MSANTD4: variants seen among roughly 807,000 people sequenced by gnomAD.
MSANTD4 encodes Myb/SANT DNA binding domain containing 4 with coiled-coils, also known as myb/SANT-like DNA-binding domain-containing protein 4.
MSANTD4 carries 13 observed loss-of-function variants against 34.3 expected under a neutral mutation model. The ratio of observed to expected loss-of-function variants is 0.38; its 90% CI spans 0.25 to 0.60. The LOEUF (loss-of-function observed/expected upper bound fraction) is 0.60, where lower values mean the gene tolerates loss of function less well. Ranked by LOEUF, MSANTD4 falls within the 20% of genes least tolerant of loss-of-function variation. The pLI is 0.63. For missense variants in MSANTD4, 358 were observed against 401.8 expected, an observed-to-expected ratio of 0.89 and a Z score of 0.93; for synonymous variants, 137 against 145.2, an observed-to-expected ratio of 0.94 and a Z score of 0.41.
chr11:106,010,509 A>G lies in MSANTD4; in HGVS notation c.409T>C (p.Ser137Pro). The change falls in exon 2 of 3, where the codon TCC (serine) becomes CCC (proline). Residue 137 changes from serine to proline, a missense_variant. By Grantham distance (74) the Ser-to-Pro change is moderately conservative. Transcript: ENST00000301919. ...TCTTCCACCTTGACCTCAGTTAAGG[A>G]TCCACCTGCATCCCTGAAATCTGCC... ...NVADFRDAGG[S>P]LTEVKVEEEE... 6.2e-7 allele frequency: 1 copy of G among 1,614,154 alleles called. No individual in the cohort carries two copies.
At chr11:106,012,189 C>T (rs1859717317) in intron 1 of MSANTD4, among the ~76,000 whole-genome samples, 1 of 150,386 alleles carries the variant, frequency 6.6e-6, no homozygotes, top group African/African-American at 2.4e-5. Context: ...AGGAAAATAT[C>T]ACCAAAAAAA....
At position 106,009,990 on chromosome 11, in the gene MSANTD4, T is replaced by C. The variant is rs1489399952; in HGVS notation, c.583A>G (p.Arg195Gly). The C allele has an allele frequency of 1.9e-6, 3 of 1,609,804 alleles. No homozygotes were observed. In the African/African-American group the frequency reaches 4.0e-5, roughly 21 times the overall value. Reference protein sequence around the residue: ...EFFTLNSTPSRSAYDEPHLLV... With the variant: ...EFFTLNSTPSGSAYDEPHLLV... ...AAATGAGGCTCATCATATGCAGATC[T>C]AGATGGTGTTGAGTTAAGGGTAAAA... Residue 195 changes from arginine (R) to glycine (G), a missense_variant, in exon 3 of 3, where the codon AGA (arginine) becomes GGA (glycine). Physicochemically the swap from Arg to Gly is moderately radical, Grantham distance 125. This residue lies in a region of MSANTD4 where 312 missense variants were observed against 317.6 expected (regional missense o/e 0.98). Transcript: ENST00000301919.
chr11:106,016,035 T>C (rs1859835717), intron 1 of MSANTD4, among the ~76,000 whole-genome samples: 2 of 152,118 alleles, frequency 1.3e-5, no homozygotes, highest in South Asian at 4.1e-4. Context: ...TTTTTAAAGC[T>C]TTTATATAGA....
At position 106,008,628 on chromosome 11, in the gene MSANTD4, C is replaced by A. The variant is rs1029779749; in HGVS notation, c.*907G>T. The A allele has an allele frequency of 1.3e-5, 2 of 152,192 alleles. No individual in the cohort carries two copies. Among genetic ancestry groups the A allele is most frequent in the Non-Finnish European group, 2.9e-5 (2 of 68,028 alleles). 9.4% of individuals were successfully genotyped at this position (152,192 alleles called of 1,614,324 possible). A position where few individuals can be genotyped will look rare whatever the true frequency, so the allele number is the denominator to read the frequency against. Reference sequence around the variant, plus strand: ...ATGGACTACAAGTACCATTTTTATACTGGTATCATTTTTACTAGCTTCAAC... The same window carrying A: ...ATGGACTACAAGTACCATTTTTATAATGGTATCATTTTTACTAGCTTCAAC... On this transcript the variant is annotated 3_prime_UTR_variant, in exon 3 of 3. Coordinates refer to ENST00000301919, the MANE Select transcript of MSANTD4 (RefSeq NM_032424.3).
At chr11:106,015,441 A>G (rs904822840) in intron 1 of MSANTD4, among the ~76,000 whole-genome samples, 1 of 152,252 alleles carries the variant, frequency 6.6e-6, no homozygotes, top group Non-Finnish European at 1.5e-5. Flanking sequence ...AAACATTTAA[A>G]TAACTTTGAC....
In MSANTD4 at chr11:106,021,624, C is replaced by G. The variant is rs1267907523; in HGVS notation, c.-813G>C. ...GTGTGGCTTTCCCCTCCCCTATATT[C>G]TTATAGGGGATTCACTTCCCTGCCA... On this transcript the variant is annotated 5_prime_UTR_variant, in exon 1 of 3. Coordinates refer to ENST00000301919, the MANE Select transcript of MSANTD4 (RefSeq NM_032424.3). 6.6e-5 allele frequency: 10 copies of G among 152,278 alleles called. No individual in the cohort carries two copies. Among genetic ancestry groups the G allele is most frequent in the African/African-American group, 2.4e-4 (10 of 41,546 alleles). The allele number at this position is 152,278 out of a possible 1,614,324, so 9.4% of individuals were successfully genotyped here.
At chr11:106,018,871 T>C (rs918996472) in intron 1 of MSANTD4, among the ~76,000 whole-genome samples, 1 of 152,226 alleles carries the variant, frequency 6.6e-6, no homozygotes, top group Non-Finnish European at 1.5e-5. Flanking sequence ...CTAAGTAGAA[T>C]GTCTTTAGAC....
rs999488868 is a variant in MSANTD4, at chr11:106,011,040, T to C, written c.-123A>G. The stretch of plus-strand genomic sequence containing the variant: ...AGTTCAAATCATTGTCTTCCATTCA[T>C]CTAGTGGCAAGGCAGTCTGGATAAT... On this transcript the variant is annotated 5_prime_UTR_variant, in exon 2 of 3. The change abolishes an upstream ATG in the 5' untranslated region. Transcript: ENST00000301919. 1.1e-5 allele frequency: 15 copies of C among 1,422,310 alleles called. No homozygotes were observed. Among genetic ancestry groups the C allele is most frequent in the South Asian group, 1.6e-5 (1 of 63,568 alleles). 88.1% of individuals were successfully genotyped at this position (1,422,310 alleles called of 1,614,324 possible).
chr11:106,016,374 T>C (rs1225867316), intron 1 of MSANTD4, among the ~76,000 whole-genome samples: 1 of 152,212 alleles, frequency 6.6e-6, no homozygotes, highest in African/African-American at 2.4e-5. Context: ...ATATGCTGCT[T>C]CTTAGTACCC....
Position 106,010,504 on chromosome 11 carries a change from T to G in MSANTD4, c.414A>C (p.Leu138Phe), listed in dbSNP as rs1392613194. 1.2e-6 allele frequency: 2 copies of G among 1,614,132 alleles called. No homozygotes were observed. The highest frequency in any genetic ancestry group is 4.5e-5 in the East Asian group (2 of 44,876). Residue 138 changes from leucine (L) to phenylalanine (F), a missense_variant, in exon 2 of 3, where the codon TTA (leucine) becomes TTC (phenylalanine). Around this residue, in one of 2 missense-constraint regions of MSANTD4, gnomAD observed 312 missense variants for 317.6 expected, o/e 0.98. Coordinates refer to ENST00000301919, the MANE Select transcript of MSANTD4 (RefSeq NM_032424.3). ...VADFRDAGGS[L>F]TEVKVEEEER... ...CTTCCTCTTCCACCTTGACCTCAGT[T>G]AAGGATCCACCTGCATCCCTGAAAT...
intron 1 of MSANTD4, among the ~76,000 whole-genome samples, chr11:106,016,595 G>A (rs1378788754): frequency 6.6e-6 from 1 of 152,212 alleles, no homozygotes; most frequent in Non-Finnish European, 1.5e-5. Flanking sequence ...GGTATAGAAA[G>A]AGAAACAGAA....
Position 106,010,929 on chromosome 11 carries a change from A to G in MSANTD4, c.-12T>C, listed in dbSNP as rs759803641. 7.6e-6 allele frequency: 12 copies of G among 1,576,268 alleles called. No homozygotes were observed. Among genetic ancestry groups the G allele is most frequent in the Middle Eastern group, 2.0e-4 (1 of 4,926 alleles). The stretch of plus-strand genomic sequence containing the variant: ...TTCAACTGCTTCATTTTCAATTTCA[A>G]TGCAGTTTTTATGGTAAGAGATGTG... On this transcript the variant is annotated 5_prime_UTR_variant, in exon 2 of 3. Transcript: ENST00000301919.
chr11:106,009,568 T>TAC lies in MSANTD4; in HGVS notation c.1004_1005insGT (p.Leu336TyrfsTer32). The TAC allele has an allele frequency of 6.2e-7, 1 of 1,604,112 alleles. No homozygotes were observed. The highest frequency in any genetic ancestry group is 8.5e-7 in the Non-Finnish European group (1 of 1,174,880). ...AGTGTCCTTCTTTCTGAATTCGAAG[T>TAC]CTGTCTTTCTCTACCTGTAAGCGTT... On this transcript the variant is annotated frameshift_variant, in exon 3 of 3. Transcript: ENST00000301919. LOFTEE classifies it high-confidence loss of function.
In MSANTD4 at chr11:106,009,581, A is replaced by C; in HGVS notation, c.992T>G (p.Val331Gly). The C allele has an allele frequency of 6.2e-7, 1 of 1,613,688 alleles. No homozygotes were observed. The highest frequency in any genetic ancestry group is 8.5e-7 in the Non-Finnish European group (1 of 1,179,812). ...CTGAATTCGAAGTCTGTCTTTCTCT[A>C]CCTGTAAGCGTTCCTTTTCAATCTG... ...KLQIEKERLQ[V>G]EKDRLRIQKE... Residue 331 changes from valine to glycine, a missense_variant, in exon 3 of 3, where the codon GTA becomes GGA. Val to Gly is a moderately radical substitution (Grantham distance 109). Coordinates refer to ENST00000301919, the MANE Select transcript of MSANTD4 (RefSeq NM_032424.3).
At chr11:106,011,925 A>G (rs974512407) in intron 1 of MSANTD4, among the ~76,000 whole-genome samples, 5 of 152,184 alleles carry the variant, frequency 3.3e-5, no homozygotes, top group African/African-American at 4.8e-5. Flanking sequence ...AACTACCTAC[A>G]TTTTACTACT....
chr11:106,014,663 T>G (rs1411789849), intron 1 of MSANTD4, among the ~76,000 whole-genome samples: 2 of 152,232 alleles, frequency 1.3e-5, no homozygotes, highest in African/African-American at 4.8e-5. Flanking sequence ...TAACAAAGCA[T>G]TTCTTATCAC....
In MSANTD4 at chr11:106,008,603, A is replaced by G. The variant is rs902782861; in HGVS notation, c.*932T>C. 1.2e-4 allele frequency: 18 copies of G among 152,202 alleles called. No homozygotes were observed. Among genetic ancestry groups the G allele is most frequent in the African/African-American group, 4.3e-4 (18 of 41,454 alleles). The allele number at this position is 152,202 out of a possible 1,614,324, so 9.4% of individuals were successfully genotyped here. On this transcript the variant is annotated 3_prime_UTR_variant, in exon 3 of 3. Coordinates refer to ENST00000301919, the MANE Select transcript of MSANTD4 (RefSeq NM_032424.3). ...ACAATCAGTCATTGGGTTCAAGCTC[A>G]TGGACTACAAGTACCATTTTTATAC...
Position 106,010,608 on chromosome 11 carries a change from C to T in MSANTD4, c.310G>A (p.Asp104Asn). ...SGFPLPSSDL[D>N]DSLTEEIDEK... is the part of the protein sequence containing the mutation. ...TCTATCTCTTCAGTGAGAGAGTCAT[C>T]CAAATCAGAGGAGGGAAGGGGAAAT... Residue 104 changes from aspartate (D) to asparagine (N), a missense_variant, in exon 2 of 3, where the codon GAT becomes AAT. Asp to Asn is a conservative substitution (Grantham distance 23). This residue lies in a region of MSANTD4 where 312 missense variants were observed against 317.6 expected (regional missense o/e 0.98). Coordinates refer to ENST00000301919, the MANE Select transcript of MSANTD4 (RefSeq NM_032424.3). The T allele has an allele frequency of 6.2e-7, 1 of 1,614,178 alleles. No individual in the cohort carries two copies. The highest frequency in any genetic ancestry group is 8.5e-7 in the Non-Finnish European group (1 of 1,180,022).
chr11:106,014,527 CT>C (rs1279502535), intron 1 of MSANTD4, among the ~76,000 whole-genome samples: 3 of 152,186 alleles, frequency 2.0e-5, no homozygotes, highest in African/African-American at 7.2e-5. Flanking sequence ...CAAATAGTAT[CT>C]TCTACTGAAG....
Sources: gnomAD v4.1 joint callset for allele counts (sites outside exome capture counted in the v4.1 genomes callset) on GRCh38, gnomAD v4.1.1 for gene constraint, gnomAD v4.1.1 regional missense constraint, MANE v1.5 for transcripts, NCBI Gene and HGNC (gene_info 2026-07-23, HGNC 2026-07-21) for gene names.